The following RINT1 variants were observed in gnomAD, a reference collection of about 807,000 sequenced individuals.
RINT1 encodes RAD50 interactor 1.
A neutral mutation model predicts 97.7 loss-of-function variants in RINT1; 75 were observed. The observed-to-expected ratio is 0.77, with a 90% CI of 0.64 to 0.93. The LOEUF is 0.93. Among genes scored for constraint, RINT1 ranks in the 40% least tolerant of loss-of-function variants. The pLI is 0.00. For synonymous variants in RINT1, 303 were observed against 326.3 expected, an observed-to-expected ratio of 0.93 and a Z score of 0.77; for missense variants, 892 against 925.2, an observed-to-expected ratio of 0.96 and a Z score of 0.47.
At chr7:105,553,991 C>T (rs1452841278) in intron 10 of RINT1, among the ~76,000 whole-genome samples, 1 of 147,664 alleles carries the variant, frequency 6.8e-6, no homozygotes, top group African/African-American at 2.5e-5. Flanking sequence ...CTCTGCCTCC[C>T]GGGTTCACGC....
Position 105,552,666 on chromosome 7 carries a change from C to CTTTTTTTT in RINT1, c.1471+977_1471+984dup, listed in dbSNP as rs386410906. 1.5e-3 allele frequency among the ~76,000 whole-genome samples: 120 copies of CTTTTTTTT among 80,040 alleles called. 4 individuals carry two copies. The highest frequency in any genetic ancestry group is 2.2e-3 in the Non-Finnish European group (95 of 43,448). 52.5% of individuals were successfully genotyped at this position (80,040 alleles called of 152,430 possible). ...TTCCAGCCCAGTCAGTAAATAATTC[C>CTTTTTTTT]TTTTTTTTTTTTTTTTTTTTTTTTT... On this transcript the variant is annotated intron_variant, in intron 10 of 14. Transcript: ENST00000257700.
Position 105,565,406 on chromosome 7 carries a change from A to C in RINT1, c.2016A>C (p.Lys672Asn), listed in dbSNP as rs754306128. 5 of 1,614,156 alleles carry C rather than the reference A, an allele frequency of 3.1e-6. No individual in the cohort carries two copies. The highest frequency in any genetic ancestry group is 2.2e-5 in the South Asian group (2 of 91,082). ...AGCAGCTTTGTTTCTCCTTATTTAA[A>C]ATTTTCTGGCAAATGCTTGTAGAGA... The part of the protein sequence containing the change: ...LEQQLCFSLF[K>N]IFWQMLVEKL... Residue 672 changes from lysine (K) to asparagine (N), a missense_variant, in exon 13 of 15, where the codon AAA (lysine) becomes AAC (asparagine). Transcript: ENST00000257700.
At chr7:105,539,235 C>T (rs950511821) in intron 3 of RINT1, among the ~76,000 whole-genome samples, 2 of 152,122 alleles carry the variant, frequency 1.3e-5, no homozygotes, top group Non-Finnish European at 2.9e-5. Flanking sequence ...TTGCCTGTCA[C>T]CCAGACCTGA....
chr7:105,552,666 CTTTT>C (rs386410906), intron 10 of RINT1, among the ~76,000 whole-genome samples: 126 of 80,008 alleles, frequency 1.6e-3, no homozygotes, highest in African/African-American at 4.3e-3. Context: ...TAAATAATTC[CTTTT>C]TTTTTTTTTT....
intron 11 of RINT1, among the ~76,000 whole-genome samples, chr7:105,561,544 A>C (rs992576654): frequency 1.3e-5 from 2 of 152,060 alleles, no homozygotes; most frequent in Non-Finnish European, 2.9e-5. Flanking sequence ...TAAAAAAAAC[A>C]AGTAGATAGT....
chr7:105,561,492 A>G (rs1365290595), intron 11 of RINT1, among the ~76,000 whole-genome samples: 1 of 152,090 alleles, frequency 6.6e-6, no homozygotes, highest in South Asian at 2.1e-4. Context: ...GCTCCATTTC[A>G]TTCCAGCCTG....
chr7:105,551,746 T>C (rs763300993), intron 10 of RINT1, 39 bp downstream of exon 10: 1 of 1,544,880 alleles, frequency 6.5e-7, no homozygotes, highest in South Asian at 1.2e-5. Context: ...GTTTTAAAAG[T>C]ACTGTTTTCA....
chr7:105,548,859 A>G, intron 7 of RINT1, 149 bp downstream of exon 7: 1 of 692,834 alleles, frequency 1.4e-6, no homozygotes, highest in Non-Finnish European at 2.4e-6. Context: ...ACTGCTGTTC[A>G]TACATATAAT....
Position 105,567,659 on chromosome 7 carries a change from T to C in RINT1, c.*348T>C, listed in dbSNP as rs1288019428. 1 of 520,692 alleles carries C rather than the reference T, an allele frequency of 1.9e-6. No homozygotes were observed. The highest frequency in any genetic ancestry group is 3.4e-6 in the Non-Finnish European group (1 of 296,598). 32.3% of individuals were successfully genotyped at this position (520,692 alleles called of 1,614,324 possible). ...GTTGTGGATAATCAAACATAGCCAA[T>C]AAATTTTTTTAAAACTCCCTTTGAA... is the stretch of plus-strand genomic sequence containing the variant. On this transcript the variant is annotated 3_prime_UTR_variant, in exon 15 of 15. Coordinates refer to ENST00000257700, the MANE Select transcript of RINT1 (RefSeq NM_021930.6).
At chr7:105,536,308 G>A (rs1235030676) in intron 2 of RINT1, among the ~76,000 whole-genome samples, 1 of 152,030 alleles carries the variant, frequency 6.6e-6, no homozygotes, top group East Asian at 1.9e-4. Context: ...ACAGGCCTGT[G>A]CCCCCACGCC....
intron 4 of RINT1, among the ~76,000 whole-genome samples, chr7:105,544,649 G>T (rs1442487069): frequency 6.6e-6 from 1 of 152,022 alleles, no homozygotes; most frequent in African/African-American, 2.4e-5. Context: ...TGGCTAGGCT[G>T]GTCTTGAACT....
chr7:105,538,149 C>T (rs74639650), intron 3 of RINT1, among the ~76,000 whole-genome samples: 4 of 151,850 alleles, frequency 2.6e-5, no homozygotes, highest in East Asian at 2.0e-4. Flanking sequence ...CGCGACACCA[C>T]GCCCAGCTAA....
At chr7:105,558,348 C>G (rs1282048364) in intron 11 of RINT1, among the ~76,000 whole-genome samples, 1 of 150,858 alleles carries the variant, frequency 6.6e-6, no homozygotes, top group Non-Finnish European at 1.5e-5. Context: ...TCATTTTGTA[C>G]TTTTATGTGT....
intron 2 of RINT1, among the ~76,000 whole-genome samples, chr7:105,533,273 T>G (rs566381167): frequency 4.6e-5 from 7 of 152,128 alleles, no homozygotes; most frequent in Admixed American, 6.6e-5. Flanking sequence ...AAATGACAGT[T>G]GTTTAGTTCA....
intron 4 of RINT1, among the ~76,000 whole-genome samples, chr7:105,544,998 C>T (rs1790601151): frequency 6.6e-6 from 1 of 151,468 alleles, no homozygotes; most frequent in Non-Finnish European, 1.5e-5. Flanking sequence ...CAAGTAGTTT[C>T]TTCTTGCTAG....
intron 4 of RINT1, among the ~76,000 whole-genome samples, chr7:105,545,377 C>T (rs1586231352): frequency 6.6e-6 from 1 of 150,400 alleles, no homozygotes; most frequent in Middle Eastern, 3.4e-3. Context: ...GCTTGAGCCC[C>T]GAGAGGTTAA....
At chr7:105,567,075 A>C (rs1292291456) in intron 14 of RINT1, 44 bp from the exon 15 acceptor site, 1 of 1,224,584 alleles carries the variant, frequency 8.2e-7, no homozygotes. Flanking sequence ...TAATTGATGC[A>C]GATAATGGAG....
intron 3 of RINT1, among the ~76,000 whole-genome samples, chr7:105,538,667 A>AACCTGTCCATTCTGCCCT (rs1479355154): frequency 1.3e-5 from 2 of 152,188 alleles, no homozygotes; most frequent in African/African-American, 4.8e-5. Context: ...ACATCTACCC[A>AACCTGTCCATTCTGCCCT]ACCTGTCCAT....
chr7:105,551,946 T>C (rs1790946654), intron 10 of RINT1, among the ~76,000 whole-genome samples: 1 of 152,096 alleles, frequency 6.6e-6, no homozygotes, highest in African/African-American at 2.4e-5. Flanking sequence ...TGTGTGCCTG[T>C]AGTCCCAGCT....
Sources: allele counts gnomAD v4.1 joint callset (sites outside exome capture counted in the v4.1 genomes callset), GRCh38; gene constraint gnomAD v4.1.1; transcripts MANE v1.5; gene names NCBI Gene and HGNC (gene_info 2026-07-23, HGNC 2026-07-21).